C6: variants seen among roughly 807,000 people sequenced by gnomAD.
C6 encodes complement component C6.
C6 carries 101 observed loss-of-function variants against 112.9 expected under a neutral mutation model. The observed-to-expected ratio is 0.89, with a 90% CI of 0.76 to 1.06. The LOEUF (loss-of-function observed/expected upper bound fraction) is 1.06. Among genes scored for constraint, C6 ranks in the 50% least tolerant of loss-of-function variants. The pLI is 0.00. For missense variants in C6, 1,202 were observed against 1,104.6 expected, an observed-to-expected ratio of 1.09 and a Z score of -1.25; for synonymous variants, 431 against 384.1, an observed-to-expected ratio of 1.12 and a Z score of -1.43.
intron 1 of C6, among the ~76,000 whole-genome samples, chr5:41,224,620 G>A (rs538516692): frequency 6.6e-6 from 1 of 151,830 alleles, no homozygotes; most frequent in South Asian, 2.1e-4. Flanking sequence ...TGTTGCATGG[G>A]TATACTACAT....
chr5:41,160,050 A>G, intron 11 of C6, 92 bp downstream of exon 11: 1 of 996,420 alleles, frequency 1.0e-6, no homozygotes, highest in Non-Finnish European at 1.6e-6. Context: ...GGAGGTTGCT[A>G]ATAGAAGTTT....
At chr5:41,165,423 T>C (rs1484841597) in intron 9 of C6, among the ~76,000 whole-genome samples, 1 of 152,204 alleles carries the variant, frequency 6.6e-6, no homozygotes, top group African/African-American at 2.4e-5. Flanking sequence ...GTTGTGAAGT[T>C]CTACTGCCAA....
intron 1 of C6, among the ~76,000 whole-genome samples, chr5:41,249,773 T>C (rs1345942232): frequency 6.6e-6 from 1 of 152,226 alleles, no homozygotes; most frequent in Non-Finnish European, 1.5e-5. Context: ...ATATTGATTA[T>C]TCCTCATTAA....
intron 1 of C6, among the ~76,000 whole-genome samples, chr5:41,260,458 A>C (rs866943439): frequency 0.024 from 3,168 of 133,836 alleles, 144 homozygotes; most frequent in African/African-American, 0.085. Context: ...ACCCCCCCCC[A>C]AAACAAACAA....
In C6 at chr5:41,230,007, G is replaced by A. The variant is rs576179345; in HGVS notation, c.-20-26757C>T. 1.3e-4 allele frequency among the ~76,000 whole-genome samples: 20 copies of A among 152,096 alleles called. No individual in the cohort carries two copies. In the South Asian group the frequency reaches 1.9e-3, roughly 14 times the overall value. On this transcript the variant is annotated intron_variant, in intron 1 of 17. Coordinates refer to the C6 transcript ENST00000263413. ...TCTTATGTCTGTCTTTACCGCAATC[G>A]CTGAACATAAATTGTGAAGATTTCA...
rs142519688 is a variant in C6, at chr5:41,191,067, C to CTTTTTTT, written c.587+4718_587+4724dup. On this transcript the variant is annotated intron_variant, in intron 5 of 17. Transcript: ENST00000337836. ...AAATGTAGTAGTGTGATGCCTTTGGCTTTTTTTTTTTTTTTTTTTTGCAGA... is the reference window on the plus strand; with the variant it reads ...AAATGTAGTAGTGTGATGCCTTTGGCTTTTTTTTTTTTTTTTTTTTTTTTTTTGCAGA... Among the ~76,000 whole-genome samples the CTTTTTTT allele has an allele frequency of 5.5e-3, 469 of 84,722 alleles. 54 individuals carry two copies. Among genetic ancestry groups the CTTTTTTT allele is most frequent in the African/African-American group, 0.019 (379 of 20,070 alleles). The allele number at this position is 84,722 out of a possible 152,430, so 55.6% of individuals were successfully genotyped here. A position where few individuals can be genotyped will look rare whatever the true frequency, so the allele number is the denominator to read the frequency against.
In C6 at chr5:41,195,790, A is replaced by G; in HGVS notation, c.587+2T>C. Reference sequence around the variant, plus strand: ...CCAAGATGATAAAAAGATGTTACATACCCATTGCCCATCAACTGTACACTA... The same window carrying G: ...CCAAGATGATAAAAAGATGTTACATGCCCATTGCCCATCAACTGTACACTA... On this transcript the variant is annotated splice_donor_variant, in intron 5 of 17. Coordinates refer to ENST00000337836, the MANE Select transcript of C6 (RefSeq NM_000065.5). LOFTEE classifies it high-confidence loss of function. The G allele has an allele frequency of 1.2e-6, 2 of 1,613,482 alleles. No individual in the cohort carries two copies. Among genetic ancestry groups the G allele is most frequent in the Non-Finnish European group, 1.7e-6 (2 of 1,179,834 alleles).
chr5:41,182,344 G>C lies in C6; in HGVS notation c.727-785C>G, dbSNP rs552148890. Among the ~76,000 whole-genome samples, 19 of 150,264 alleles carry C rather than the reference G, an allele frequency of 1.3e-4. No homozygotes were observed. The South Asian group carries it at 4.1e-3, about 33-fold the overall frequency. ...ATCCCTTAAGTCCCTTGCTTTCTAA[G>C]TGACTATTATCAGTAGAACGTACAG... is the stretch of plus-strand genomic sequence containing the variant. On this transcript the variant is annotated intron_variant, in intron 6 of 17. Transcript: ENST00000337836.
rs763039561 is a variant in C6 at position 41,201,604 on chromosome 5, C to T, written c.254G>A (p.Gly85Glu). Residue 85 changes from glycine to glutamate, a missense_variant, in exon 3 of 18, where the codon GGA becomes GAA. Coordinates refer to ENST00000337836, the MANE Select transcript of C6 (RefSeq NM_000065.5). ...WQRCPINCLL[G>E]DFGPWSDCDP... ...ACAGTCTGACCATGGTCCAAAATCT[C>T]CCAGGAGGCAGTTGATGGGGCATCT... 6.2e-6 allele frequency: 10 copies of T among 1,613,644 alleles called. No individual in the cohort carries two copies. The highest frequency in any genetic ancestry group is 8.5e-6 in the Non-Finnish European group (10 of 1,179,864).
intron 1 of C6, 75 bp from the exon 2 acceptor site, chr5:41,203,325 G>A: frequency 1.4e-6 from 2 of 1,465,288 alleles, no homozygotes; most frequent in South Asian, 2.3e-5. Context: ...CTGAGTCAGA[G>A]ATTCAAATGT....
intron 8 of C6, chr5:41,172,770 C>T (rs1333208819): frequency 4.6e-6 from 1 of 217,780 alleles, no homozygotes; most frequent in East Asian, 1.1e-4. Flanking sequence ...GATCTGTTCT[C>T]TACTCCAAGA....
At chr5:41,161,381 T>C (rs551559015) in intron 10 of C6, among the ~76,000 whole-genome samples, 2 of 152,248 alleles carry the variant, frequency 1.3e-5, no homozygotes, top group East Asian at 3.9e-4. Context: ...AAACCAGATT[T>C]ATTGTATACA....
At chr5:41,198,446 C>T (rs1750768649) in intron 4 of C6, among the ~76,000 whole-genome samples, 1 of 152,132 alleles carries the variant, frequency 6.6e-6, no homozygotes, top group South Asian at 2.1e-4. Flanking sequence ...CAAGGATTTA[C>T]CAATCAGTTC....
intron 1 of C6, among the ~76,000 whole-genome samples, chr5:41,230,413 G>T (rs1739822689): frequency 6.6e-6 from 1 of 151,976 alleles, no homozygotes; most frequent in Non-Finnish European, 1.5e-5. Context: ...GTCTATAATT[G>T]GCCACTCTGG....
At chr5:41,211,199 G>A (rs911435250) in intron 1 of C6, among the ~76,000 whole-genome samples, 14 of 152,090 alleles carry the variant, frequency 9.2e-5, no homozygotes, top group Non-Finnish European at 2.9e-5. Flanking sequence ...AGAACACTTG[G>A]ACACAGGGTG....
At chr5:41,202,720 A>G (rs548948034) in intron 2 of C6, among the ~76,000 whole-genome samples, 4 of 152,310 alleles carry the variant, frequency 2.6e-5, no homozygotes, top group Non-Finnish European at 5.9e-5. Flanking sequence ...TGCTCAATTG[A>G]GGTCCTGTTA....
intron 1 of C6, among the ~76,000 whole-genome samples, chr5:41,223,661 A>C (rs143128624): frequency 6.6e-6 from 1 of 152,332 alleles, no homozygotes; most frequent in East Asian, 1.9e-4. Flanking sequence ...GAAAGATAGC[A>C]AAAATACATG....
At chr5:41,191,169 C>A (rs185753857) in intron 5 of C6, among the ~76,000 whole-genome samples, 2 of 145,122 alleles carry the variant, frequency 1.4e-5, no homozygotes, top group Admixed American at 1.4e-4. Context: ...CGGGTTCAAG[C>A]GATTCTCTTG....
chr5:41,159,252 A>C lies in C6; in HGVS notation c.1686T>G (p.Asn562Lys). Residue 562 changes from asparagine to lysine, a missense_variant and splice_region_variant, in exon 12 of 18, where the codon AAT becomes AAG. Asn to Lys is a moderately conservative substitution (Grantham distance 94). Transcript: ENST00000337836. ...AACAACCCCACTGTCCGTCTACTGC[A>C]TCTGGAACAAAGGAAGACTCACTCC... ...CEKQSPDYKS[N>K]AVDGQWGCWS... 6.2e-7 allele frequency: 1 copy of C among 1,612,892 alleles called. No homozygotes were observed. The highest frequency in any genetic ancestry group is 8.5e-7 in the Non-Finnish European group (1 of 1,179,422).
Sources: gnomAD v4.1 joint callset for allele counts (sites outside exome capture counted in the v4.1 genomes callset) on GRCh38, gnomAD v4.1.1 for gene constraint, MANE v1.5 for transcripts, NCBI Gene and HGNC (gene_info 2026-07-23, HGNC 2026-07-21) for gene names.